CSRNP2: variants seen among roughly 807,000 people sequenced by gnomAD.
The protein encoded by CSRNP2 is cysteine/serine-rich nuclear protein 2.
Under a neutral mutation model 36.6 loss-of-function variants are expected in CSRNP2, and 11 were observed. The observed-to-expected ratio is 0.30, with a 90% CI of 0.19 to 0.50. The LOEUF (loss-of-function observed/expected upper bound fraction) is 0.50, where lower values mean the gene tolerates loss of function less well. Among genes scored for constraint, CSRNP2 ranks in the 20% least tolerant of loss-of-function variants. CSRNP2 has a pLI of 0.98. For missense variants in CSRNP2, 483 were observed against 691.4 expected (o/e 0.70, Z 3.38); for synonymous variants, 248 against 275.3 (o/e 0.90, Z 0.98).
At position 51,064,589 on chromosome 12, in the gene CSRNP2, G is replaced by T; in HGVS notation, c.789C>A (p.Ile263=). The T allele has an allele frequency of 6.3e-7, 1 of 1,598,792 alleles. No individual in the cohort carries two copies. The highest frequency in any genetic ancestry group is 8.5e-7 in the Non-Finnish European group (1 of 1,172,918). ...NMAGRIEFNP[I]RVRTHYLHTI... is the part of the protein sequence containing the mutation. ...TGTGGAGGTAATGAGTCCGGACCCG[G>T]ATTGGATTAAATTCAATGCGTCCTG... The change falls in exon 5 of 5, where the codon ATC becomes ATA. Residue 263 remains isoleucine, a synonymous_variant. Coordinates refer to ENST00000228515, the MANE Select transcript of CSRNP2 (RefSeq NM_030809.3).
chr12:51,064,771 C>G, intron 4 of CSRNP2, 102 bp from the exon 5 acceptor site: 1 of 1,041,674 alleles, frequency 9.6e-7, no homozygotes, highest in Non-Finnish European at 1.3e-6. Context: ...TTTGAGGTCT[C>G]CTTGTAAGAA....
At chr12:51,071,802 G>C (rs1488696548) in intron 3 of CSRNP2, among the ~76,000 whole-genome samples, 1 of 152,146 alleles carries the variant, frequency 6.6e-6, no homozygotes, top group Admixed American at 6.6e-5. Flanking sequence ...TTTTCTTCTA[G>C]GGAAAGGAAG....
chr12:51,072,562 C>CAAAAAAAAAAA (rs71089741), intron 3 of CSRNP2, among the ~76,000 whole-genome samples: 137 of 66,918 alleles, frequency 2.0e-3, no homozygotes, highest in East Asian at 5.4e-3. Flanking sequence ...GGCTCCGTCT[C>CAAAAAAAAAAA]AAAAAAAAAA....
At chr12:51,071,683 C>T (rs976244174) in intron 3 of CSRNP2, among the ~76,000 whole-genome samples, 1 of 152,218 alleles carries the variant, frequency 6.6e-6, no homozygotes, top group African/African-American at 2.4e-5. Flanking sequence ...CTGTATCTGT[C>T]TTGGGTTTGC....
rs147317231 is a variant in CSRNP2, at chr12:51,064,491, G to A, written c.887C>T (p.Pro296Leu). 659 of 1,610,742 alleles carry A rather than the reference G, an allele frequency of 4.1e-4. 8 individuals carry two copies. In the East Asian group the frequency reaches 9.1e-3, roughly 22 times the overall value. The change falls in exon 5 of 5, where the codon CCG (proline) becomes CTG (leucine). Residue 296 changes from proline to leucine, a missense_variant. Pro to Leu is a moderately conservative substitution (Grantham distance 98). Transcript: ENST00000228515. ...TCCTGTCAGGCTGCAACTGGCAGTC[G>A]GGGAGGGCTCCTCATCTGGGGCTGC... ...RPAAPDEEPS[P>L]TASCSLTGAQ...
At position 51,076,539 on chromosome 12, in the gene CSRNP2, C is replaced by A; in HGVS notation, c.23G>T (p.Gly8Val). The change falls in exon 2 of 5, where the codon GGT (glycine) becomes GTT (valine). Residue 8 changes from glycine (G) to valine (V), a missense_variant. Physicochemically the swap from Gly to Val is moderately radical, Grantham distance 109. Coordinates refer to ENST00000228515, the MANE Select transcript of CSRNP2 (RefSeq NM_030809.3). MDAFTGSGLKRKFDDVDV... is the reference protein window; with the variant it reads MDAFTGSVLKRKFDDVDV... ...CACATCATCAAACTTCCTCTTGAGACCCGAGCCCGTGAATGCATCCATTGG... is the reference window on the plus strand; with the variant it reads ...CACATCATCAAACTTCCTCTTGAGAACCGAGCCCGTGAATGCATCCATTGG... 3 of 1,614,092 alleles carry A rather than the reference C, an allele frequency of 1.9e-6. No homozygotes were observed. The highest frequency in any genetic ancestry group is 2.2e-5 in the South Asian group (2 of 91,072).
chr12:51,067,346 T>C lies in CSRNP2; in HGVS notation c.708+327A>G, dbSNP rs973476990. Among the ~76,000 whole-genome samples, 2 of 152,106 alleles carry C rather than the reference T, an allele frequency of 1.3e-5. No individual in the cohort carries two copies. The highest frequency in any genetic ancestry group is 4.8e-5 in the African/African-American group (2 of 41,388). ...AGAATCCTGTCATGCTTGTTTTCTTTGCAAAAATTTTAAGAGACAGGGTCT... is the reference window on the plus strand; with the variant it reads ...AGAATCCTGTCATGCTTGTTTTCTTCGCAAAAATTTTAAGAGACAGGGTCT... On this transcript the variant is annotated intron_variant, in intron 4 of 4. Transcript: ENST00000228515. The surrounding 1 kb of genome is among the most constrained non-coding windows in gnomAD (Gnocchi z 4.1).
rs746150411 is a variant in CSRNP2 at position 51,063,785 on chromosome 12, G to A, written c.1593C>T (p.Pro531=). 1.9e-6 allele frequency: 3 copies of A among 1,590,046 alleles called. No individual in the cohort carries two copies. The highest frequency in any genetic ancestry group is 1.1e-5 in the South Asian group (1 of 88,374). ...GGAGTTCTAAGGAAGAATCTTCAGGGGGCCGATCCTCATTCTGCTGGGAGG... is the reference window on the plus strand; with the variant it reads ...GGAGTTCTAAGGAAGAATCTTCAGGAGGCCGATCCTCATTCTGCTGGGAGG... The part of the protein sequence containing the change: ...VKTSQQNEDR[P]PEDSSLELPL... The change falls in exon 5 of 5, where the codon CCC becomes CCT. Residue 531 remains proline (P), a synonymous_variant. Transcript: ENST00000228515.
intron 3 of CSRNP2, 122 bp downstream of exon 3, chr12:51,073,701 G>A (rs1330910402): frequency 2.1e-5 from 23 of 1,078,194 alleles, no homozygotes; most frequent in Middle Eastern, 3.1e-4. Flanking sequence ...ACTCCAGCCC[G>A]GGCGACAGAG....
intron 3 of CSRNP2, among the ~76,000 whole-genome samples, chr12:51,069,197 A>G (rs908025571): frequency 1.3e-5 from 2 of 151,830 alleles, no homozygotes; most frequent in Admixed American, 6.6e-5. Flanking sequence ...GGATGGTCTC[A>G]ATCTCCTGAC....
chr12:51,082,303 T>A (rs1939673708), intron 1 of CSRNP2, among the ~76,000 whole-genome samples: 1 of 152,026 alleles, frequency 6.6e-6, no homozygotes, highest in African/African-American at 2.4e-5. Flanking sequence ...CCACCCCCAC[T>A]CCCCGATTTT....
chr12:51,063,600 A>G lies in CSRNP2; in HGVS notation c.*146T>C, dbSNP rs1182009325. The G allele has an allele frequency of 3.1e-6, 2 of 639,092 alleles. No homozygotes were observed. Among genetic ancestry groups the G allele is most frequent in the Non-Finnish European group, 5.1e-6 (2 of 394,212 alleles). The allele number at this position is 639,092 out of a possible 1,614,324, so 39.6% of individuals were successfully genotyped here. ...CTGTTTCCCTTTTAAAAAATACTCA[A>G]ACAATCCTTTCCCACCCATTCCCCA... On this transcript the variant is annotated 3_prime_UTR_variant, in exon 5 of 5. Coordinates refer to ENST00000228515, the MANE Select transcript of CSRNP2 (RefSeq NM_030809.3).
chr12:51,063,710 T>C lies in CSRNP2; in HGVS notation c.*36A>G, dbSNP rs1937801255. Reference sequence around the variant, plus strand: ...GTGTTAGATAAAATAAGGGAATAAATAGAGAATGGGTAAGAGGCAGGACCT... The same window carrying C: ...GTGTTAGATAAAATAAGGGAATAAACAGAGAATGGGTAAGAGGCAGGACCT... On this transcript the variant is annotated 3_prime_UTR_variant, in exon 5 of 5. Coordinates refer to ENST00000228515, the MANE Select transcript of CSRNP2 (RefSeq NM_030809.3). The C allele has an allele frequency of 6.9e-7, 1 of 1,451,292 alleles. No individual in the cohort carries two copies. Among genetic ancestry groups the C allele is most frequent in the East Asian group, 2.3e-5 (1 of 42,908 alleles). The allele number at this position is 1,451,292 out of a possible 1,614,324, so 89.9% of individuals were successfully genotyped here.
At chr12:51,078,025 C>T (rs888523707) in intron 1 of CSRNP2, among the ~76,000 whole-genome samples, 2 of 152,228 alleles carry the variant, frequency 1.3e-5, no homozygotes, top group Non-Finnish European at 2.9e-5. Flanking sequence ...CACGAACCCT[C>T]CCTTGCCTCA....
At chr12:51,078,171 C>G (rs534585940) in intron 1 of CSRNP2, among the ~76,000 whole-genome samples, 1 of 152,332 alleles carries the variant, frequency 6.6e-6, no homozygotes, top group Admixed American at 6.5e-5. Context: ...TCAAGAGATG[C>G]CTGCTACAGA....
At position 51,072,079 on chromosome 12, in the gene CSRNP2, G is replaced by T. The variant is rs543736047; in HGVS notation, c.411+1744C>A. On this transcript the variant is annotated intron_variant, in intron 3 of 4. Transcript: ENST00000228515. ...GTCTCCAACTCCACCACATTCTAAC[G>T]TGTCTCTCTCATGACTCTGGAAATA... 5.3e-5 allele frequency among the ~76,000 whole-genome samples: 8 copies of T among 152,244 alleles called. No individual in the cohort carries two copies. In the East Asian group the frequency reaches 9.6e-4, roughly 18 times the overall value.
intron 4 of CSRNP2, among the ~76,000 whole-genome samples, chr12:51,065,385 A>G (rs755512226): frequency 6.6e-6 from 1 of 152,228 alleles, no homozygotes; most frequent in Non-Finnish European, 1.5e-5. Flanking sequence ...GGAAAAACAC[A>G]TAAACCAAAA....
intron 3 of CSRNP2, among the ~76,000 whole-genome samples, chr12:51,068,284 T>C (rs1235534477): frequency 6.6e-6 from 1 of 152,110 alleles, no homozygotes; most frequent in African/African-American, 2.4e-5. Context: ...CCCAAGTAGT[T>C]GGGATTACAG....
At chr12:51,074,192 A>C in intron 2 of CSRNP2, 110 bp from the exon 3 acceptor site, 1 of 1,262,100 alleles carries the variant, frequency 7.9e-7, no homozygotes, top group Non-Finnish European at 1.1e-6. Flanking sequence ...GTCTCGGCTC[A>C]CTGCAGCCTC....
Sources: gnomAD v4.1 joint callset for allele counts (sites outside exome capture counted in the v4.1 genomes callset) on GRCh38, gnomAD v4.1.1 for gene constraint, Gnocchi (gnomAD v3.1) non-coding constraint, MANE v1.5 for transcripts, NCBI Gene and HGNC (gene_info 2026-07-23, HGNC 2026-07-21) for gene names.